The following CSGALNACT1 variants were observed in gnomAD, a reference collection of about 807,000 sequenced individuals.
The protein encoded by CSGALNACT1 is chondroitin sulfate N-acetylgalactosaminyltransferase 1.
In CSGALNACT1, 52 loss-of-function variants were observed where a neutral mutation model predicts 51.0. That is an observed-to-expected ratio of 1.02 (90% CI 0.82 to 1.29). The LOEUF (loss-of-function observed/expected upper bound fraction) is 1.29, where lower values mean the gene tolerates loss of function less well. Ranked by LOEUF, CSGALNACT1 falls within the 50% of genes most tolerant of loss-of-function variation. The pLI is 0.00. For synonymous variants in CSGALNACT1, 341 were observed against 254.4 expected (o/e 1.34, Z -3.24); for missense variants, 935 against 679.2 (o/e 1.38, Z -4.19).
intron 1 of CSGALNACT1, among the ~76,000 whole-genome samples, chr8:19,724,187 C>T (rs990003720): frequency 6.6e-6 from 1 of 152,208 alleles, no homozygotes; most frequent in Non-Finnish European, 1.5e-5. Context: ...CAAACTACCT[C>T]AAACCTGGCA....
chr8:19,455,650 C>A (rs563981625), intron 5 of CSGALNACT1, among the ~76,000 whole-genome samples: 1 of 152,218 alleles, frequency 6.6e-6, no homozygotes, highest in South Asian at 2.1e-4. Context: ...CAGGTATTTA[C>A]CCTCTCGCAT....
chr8:19,645,365 A>G (rs1026915482), intron 1 of CSGALNACT1, among the ~76,000 whole-genome samples: 6 of 152,244 alleles, frequency 3.9e-5, no homozygotes, highest in African/African-American at 1.4e-4. Context: ...AACAAAAGCT[A>G]TAAAACAACA....
At chr8:19,677,089 A>G (rs190075590) in intron 1 of CSGALNACT1, among the ~76,000 whole-genome samples, 1 of 150,034 alleles carries the variant, frequency 6.7e-6, no homozygotes, top group Admixed American at 6.7e-5. Context: ...CAGAAGCTAA[A>G]CAGAGGTGGC....
rs185867201 is a variant in CSGALNACT1 at position 19,671,394 on chromosome 8, A to G, written c.-544+11079T>C. 8.6e-4 allele frequency among the ~76,000 whole-genome samples: 131 copies of G among 152,350 alleles called. 1 individual carries two copies. Among genetic ancestry groups the G allele is most frequent in the Admixed American group, 1.9e-3 (29 of 15,304 alleles). ...GCAACAATGTTGTTTTCAAGCTCCA[A>G]TTACAGAGGTAACCCATTTTTATTA... On this transcript the variant is annotated intron_variant, in intron 1 of 9. Coordinates refer to the CSGALNACT1 transcript ENST00000332246.
intron 1 of CSGALNACT1, among the ~76,000 whole-genome samples, chr8:19,663,246 G>T (rs1036070414): frequency 6.6e-6 from 1 of 152,026 alleles, no homozygotes; most frequent in African/African-American, 2.4e-5. Context: ...CATCTTCCAT[G>T]ACCCTAGGGT....
chr8:19,531,438 C>G (rs2082745178), intron 3 of CSGALNACT1, among the ~76,000 whole-genome samples: 1 of 152,196 alleles, frequency 6.6e-6, no homozygotes, highest in African/African-American at 2.4e-5. Flanking sequence ...CTAGCTGGAG[C>G]CACAGCTTTG....
At chr8:19,625,117 G>A (rs1351289609) in intron 1 of CSGALNACT1, among the ~76,000 whole-genome samples, 1 of 152,142 alleles carries the variant, frequency 6.6e-6, no homozygotes, top group Admixed American at 6.5e-5. Context: ...CATTCCATTG[G>A]CCAGAAAGAG....
chr8:19,607,528 T>C (rs1423501356), intron 1 of CSGALNACT1, among the ~76,000 whole-genome samples: 1 of 152,178 alleles, frequency 6.6e-6, no homozygotes, highest in Non-Finnish European at 1.5e-5. Context: ...ACACTCCACA[T>C]GCAATTGTTC....
chr8:19,442,404 G>A (rs1271327729), intron 5 of CSGALNACT1, among the ~76,000 whole-genome samples: 2 of 152,062 alleles, frequency 1.3e-5, no homozygotes, highest in East Asian at 1.9e-4. Flanking sequence ...AAAATGAAGA[G>A]CTCATGTCCT....
In CSGALNACT1 at chr8:19,716,612, C is replaced by CAAAAAAA. The variant is rs60464594; in HGVS notation, c.-297+41231_-297+41237dup. On this transcript the variant is annotated intron_variant, in intron 1 of 1. Coordinates refer to the CSGALNACT1 transcript ENST00000517494. The stretch of plus-strand genomic sequence containing the variant: ...GGCCAACATGGTAAAACCCTCTCTA[C>CAAAAAAA]AAAAAAAAAAAAAAAAAAAAAAAAA... 3.0e-3 allele frequency among the ~76,000 whole-genome samples: 126 copies of CAAAAAAA among 41,976 alleles called. 26 individuals are homozygous for CAAAAAAA. The highest frequency in any genetic ancestry group is 0.024 in the East Asian group (29 of 1,190). The allele number at this position is 41,976 out of a possible 152,430, so 27.5% of individuals were successfully genotyped here. A position where few individuals can be genotyped will look rare whatever the true frequency, so the allele number is the denominator to read the frequency against.
At chr8:19,720,028 C>T (rs2063029054) in intron 1 of CSGALNACT1, among the ~76,000 whole-genome samples, 1 of 152,110 alleles carries the variant, frequency 6.6e-6, no homozygotes, top group Admixed American at 6.5e-5. Context: ...TTTAGACTTC[C>T]TGGAAGGTGG....
intron 2 of CSGALNACT1, among the ~76,000 whole-genome samples, chr8:19,595,410 A>G (rs1276775474): frequency 2.6e-5 from 4 of 152,230 alleles, no homozygotes; most frequent in African/African-American, 9.6e-5. Context: ...ACAAGTCTCA[A>G]TATATGTTTG....
At chr8:19,626,241 G>T (rs2054438809) in intron 1 of CSGALNACT1, among the ~76,000 whole-genome samples, 1 of 152,196 alleles carries the variant, frequency 6.6e-6, no homozygotes, top group South Asian at 2.1e-4. Flanking sequence ...CAATGGAACA[G>T]ATTACAGAAC....
At chr8:19,712,530 C>A (rs2062571498) in intron 1 of CSGALNACT1, among the ~76,000 whole-genome samples, 1 of 152,166 alleles carries the variant, frequency 6.6e-6, no homozygotes, top group African/African-American at 2.4e-5. Flanking sequence ...TGCTTGTTCT[C>A]CAAGGGCCCA....
intron 1 of CSGALNACT1, among the ~76,000 whole-genome samples, chr8:19,664,670 C>T (rs2059040805): frequency 6.6e-6 from 1 of 152,030 alleles, no homozygotes; most frequent in South Asian, 2.1e-4. Flanking sequence ...CACACATACA[C>T]ACATACACAC....
intron 1 of CSGALNACT1, among the ~76,000 whole-genome samples, chr8:19,736,066 A>G (rs1380164175): frequency 6.6e-6 from 1 of 152,186 alleles, no homozygotes; most frequent in Non-Finnish European, 1.5e-5. Flanking sequence ...AAATGCTTCA[A>G]AACTTACGGA....
In CSGALNACT1 at chr8:19,553,620, C is replaced by CATATATATATATATATATAT. The variant is rs769189103; in HGVS notation, c.-297+37539_-297+37540insATATATATATATATATATAT. ...AAAAATACATTTATGTATATAAATA[C>CATATATATATATATATATAT]ATATATATATATATATATAAAAAAA... On this transcript the variant is annotated intron_variant, in intron 3 of 9. Transcript: ENST00000454498. Among the ~76,000 whole-genome samples, 147 of 71,552 alleles carry CATATATATATATATATATAT rather than the reference C, an allele frequency of 2.1e-3. 1 individual carries two copies. Among genetic ancestry groups the CATATATATATATATATATAT allele is most frequent in the African/African-American group, 0.013 (141 of 10,858 alleles). The allele number at this position is 71,552 out of a possible 152,430, so 46.9% of individuals were successfully genotyped here.
chr8:19,541,614 G>A (rs914533458), intron 3 of CSGALNACT1, among the ~76,000 whole-genome samples: 1 of 135,670 alleles, frequency 7.4e-6, no homozygotes, highest in African/African-American at 3.0e-5. Context: ...TGGCCAGGCA[G>A]GTCTCCAGCT....
Position 19,651,180 on chromosome 8 carries a change from C to A in CSGALNACT1, c.-544+31293G>T, listed in dbSNP as rs141703303. Reference sequence around the variant, plus strand: ...TAGATCATGTTCCAATAAAACTTTACAAAATTCTGGATTTTGTCAATGCCA... The same window carrying A: ...TAGATCATGTTCCAATAAAACTTTAAAAAATTCTGGATTTTGTCAATGCCA... On this transcript the variant is annotated intron_variant, in intron 1 of 9. Coordinates refer to the CSGALNACT1 transcript ENST00000332246. Among the ~76,000 whole-genome samples, 1,520 of 152,278 alleles carry A rather than the reference C, an allele frequency of 1.0e-2. 12 individuals are homozygous for A. The highest frequency in any genetic ancestry group is 0.016 in the Non-Finnish European group (1,086 of 68,008).
Sources: gnomAD v4.1 joint callset for allele counts (sites outside exome capture counted in the v4.1 genomes callset) on GRCh38, gnomAD v4.1.1 for gene constraint, MANE v1.5 for transcripts, NCBI Gene and HGNC (gene_info 2026-07-23, HGNC 2026-07-21) for gene names.